Variants in CPNE8 observed in about 807,000 individuals in gnomAD.
The protein encoded by CPNE8 is copine-8.
In CPNE8, 45 loss-of-function variants were observed where a neutral mutation model predicts 81.5. The observed-to-expected ratio is 0.55, with a 90% confidence interval of 0.44 to 0.71. CPNE8 has a LOEUF of 0.71. Among genes scored for constraint, CPNE8 ranks in the 30% least tolerant of loss-of-function variants. CPNE8 has a pLI of 0.00. For synonymous variants in CPNE8, 252 were observed against 226.3 expected, an observed-to-expected ratio of 1.11 and a Z score of -1.02; for missense variants, 594 against 672.1, an observed-to-expected ratio of 0.88 and a Z score of 1.28.
At chr12:38,795,120 G>T (rs548727033) in intron 6 of CPNE8, among the ~76,000 whole-genome samples, 1 of 152,218 alleles carries the variant, frequency 6.6e-6, no homozygotes. Flanking sequence ...CTGCATTGTT[G>T]GCTTCCCTAC....
intron 3 of CPNE8, among the ~76,000 whole-genome samples, chr12:38,859,909 C>T (rs1446602682): frequency 6.6e-6 from 1 of 151,996 alleles, no homozygotes; most frequent in Admixed American, 6.6e-5. Context: ...CAAAAGGCTA[C>T]TCAAAATGAA....
chr12:38,750,272 T>C (rs1009843484), intron 10 of CPNE8, among the ~76,000 whole-genome samples: 1 of 152,184 alleles, frequency 6.6e-6, no homozygotes, highest in Non-Finnish European at 1.5e-5. Context: ...GGAAGAAGTT[T>C]GCTGCAGGGG....
intron 3 of CPNE8, among the ~76,000 whole-genome samples, chr12:38,855,768 C>A (rs1414640726): frequency 1.3e-5 from 2 of 152,044 alleles, no homozygotes; most frequent in African/African-American, 4.8e-5. Context: ...TACTGGATTT[C>A]TTAAACAACC....
intron 3 of CPNE8, among the ~76,000 whole-genome samples, chr12:38,867,362 G>GAC (rs1943932023): frequency 6.6e-6 from 1 of 151,550 alleles, no homozygotes; most frequent in Non-Finnish European, 1.5e-5. Flanking sequence ...GAGAGAGAGA[G>GAC]AGAGAGACAG....
intron 10 of CPNE8, among the ~76,000 whole-genome samples, chr12:38,753,449 C>T (rs1284870523): frequency 6.6e-6 from 1 of 152,086 alleles, no homozygotes; most frequent in Non-Finnish European, 1.5e-5. Flanking sequence ...GAGTGAGACT[C>T]CAACTCAAAT....
chr12:38,784,329 G>T (rs1221857543), intron 6 of CPNE8, among the ~76,000 whole-genome samples: 2 of 151,428 alleles, frequency 1.3e-5, no homozygotes, highest in African/African-American at 4.8e-5. Context: ...GAAGACAAAA[G>T]AAAAAAGAAT....
chr12:38,840,083 T>C, intron 4 of CPNE8, 128 bp from the exon 5 acceptor site: 1 of 943,192 alleles, frequency 1.1e-6, no homozygotes, highest in East Asian at 2.9e-5. Context: ...AAGAAAAACT[T>C]AGCAAATTTT....
At chr12:38,801,704 C>G (rs1012652078) in intron 6 of CPNE8, among the ~76,000 whole-genome samples, 3 of 47,750 alleles carry the variant, frequency 6.3e-5, no homozygotes, top group Non-Finnish European at 1.2e-4. Context: ...TTAAAAGACA[C>G]AGACTGGCAA....
chr12:38,706,660 G>A (rs976313059), intron 13 of CPNE8, among the ~76,000 whole-genome samples: 1 of 152,100 alleles, frequency 6.6e-6, no homozygotes, highest in East Asian at 1.9e-4. Context: ...AGATTATAAA[G>A]ATCAATTTAG....
intron 10 of CPNE8, among the ~76,000 whole-genome samples, chr12:38,751,274 A>T (rs1941348389): frequency 6.6e-6 from 1 of 152,208 alleles, no homozygotes; most frequent in Non-Finnish European, 1.5e-5. Flanking sequence ...CTTTGTCAGC[A>T]GCATGAAAAT....
intron 1 of CPNE8, among the ~76,000 whole-genome samples, chr12:38,901,750 T>G (rs1283806757): frequency 6.6e-6 from 1 of 151,992 alleles, no homozygotes; most frequent in East Asian, 1.9e-4. Flanking sequence ...CACTGTCCCT[T>G]CTCTAATCCA....
intron 10 of CPNE8, among the ~76,000 whole-genome samples, chr12:38,733,605 G>C (rs1940886518): frequency 6.6e-6 from 1 of 151,892 alleles, no homozygotes; most frequent in South Asian, 2.1e-4. Flanking sequence ...CTCTCTGACT[G>C]CATTTACAAA....
At chr12:38,771,310 A>T (rs1221790279) in intron 7 of CPNE8, among the ~76,000 whole-genome samples, 1 of 151,378 alleles carries the variant, frequency 6.6e-6, no homozygotes, top group Non-Finnish European at 1.5e-5. Flanking sequence ...AAAAAAAAAA[A>T]AAAAATTAGC....
rs1251876723 is a variant in CPNE8, at chr12:38,685,572, T to A, written c.1189A>T (p.Met397Leu). The A allele has an allele frequency of 1.2e-6, 2 of 1,613,550 alleles. No individual in the cohort carries two copies. Among genetic ancestry groups the A allele is most frequent in the Admixed American group, 1.7e-5 (1 of 59,992 alleles). The change falls in exon 16 of 20, where the codon ATG becomes TTG. Residue 397 changes from methionine (M) to leucine (L), a missense_variant. Transcript: ENST00000331366. Reference sequence around the variant, plus strand: ...TTCAGACTCCTGTAATAAGCCTCCATGACCCCCTCAATGCCATCACAGTAG... The same window carrying A: ...TTCAGACTCCTGTAATAAGCCTCCAAGACCCCCTCAATGCCATCACAGTAG... ...NPYCDGIEGV[M>L]EAYYRSLKSV... is the part of the protein sequence containing the mutation.
chr12:38,719,716 C>CT (rs1366008090), intron 13 of CPNE8, among the ~76,000 whole-genome samples: 1 of 151,870 alleles, frequency 6.6e-6, no homozygotes, highest in African/African-American at 2.4e-5. Context: ...TTGGATTCCA[C>CT]TATCCAAAAG....
rs185447967 is a variant in CPNE8, at chr12:38,692,905, G to A, written c.1143+752C>T. 1.5e-3 allele frequency among the ~76,000 whole-genome samples: 222 copies of A among 152,244 alleles called. 1 individual carries two copies. The highest frequency in any genetic ancestry group is 5.1e-3 in the African/African-American group (210 of 41,554). On this transcript the variant is annotated intron_variant, in intron 15 of 19. Coordinates refer to ENST00000331366, the MANE Select transcript of CPNE8 (RefSeq NM_153634.3). ...AACATTTTGGGACTTCTAAGAATAT[G>A]ATATAAACATCCTTGGAGTTTCTGT...
At chr12:38,890,910 T>A (rs1258503978) in intron 1 of CPNE8, among the ~76,000 whole-genome samples, 1 of 148,414 alleles carries the variant, frequency 6.7e-6, no homozygotes, top group Admixed American at 6.8e-5. Context: ...CATATATATA[T>A]ATGTATATAT....
intron 10 of CPNE8, among the ~76,000 whole-genome samples, chr12:38,747,899 TAGAC>T (rs1398665213): frequency 1.3e-5 from 2 of 152,178 alleles, no homozygotes; most frequent in Non-Finnish European, 2.9e-5. Context: ...ACATTTCTAT[TAGAC>T]AGTACTAGTA....
intron 10 of CPNE8, among the ~76,000 whole-genome samples, chr12:38,747,813 A>T (rs971573493): frequency 6.6e-6 from 1 of 152,064 alleles, no homozygotes; most frequent in African/African-American, 2.4e-5. Context: ...TCAATTTAAG[A>T]TATATTATTA....
Sources: allele counts gnomAD v4.1 joint callset (sites outside exome capture counted in the v4.1 genomes callset), GRCh38; gene constraint gnomAD v4.1.1; transcripts MANE v1.5; gene names NCBI Gene and HGNC (gene_info 2026-07-23, HGNC 2026-07-21).